The following ATRN variants were observed in gnomAD, a reference collection of about 807,000 sequenced individuals.
The protein encoded by ATRN is attractin-2.
Under a neutral mutation model 178.7 loss-of-function variants are expected in ATRN, and 54 were observed. The observed-to-expected ratio is 0.30, with a 90% CI of 0.24 to 0.38. The LOEUF is 0.38. Among genes scored for constraint, ATRN ranks in the 10% least tolerant of loss-of-function variants. The pLI, the probability that ATRN is intolerant of heterozygous loss-of-function variation, is 1.00. For missense variants in ATRN, 1,443 were observed against 1,815.1 expected (o/e 0.79, Z 3.73); for synonymous variants, 636 against 663.0 (o/e 0.96, Z 0.63).
rs191072127 is a variant in ATRN at position 3,641,198 on chromosome 20, T to G, written c.4050+2263T>G. Among the ~76,000 whole-genome samples the G allele has an allele frequency of 4.5e-3, 689 of 152,292 alleles. 3 individuals carry two copies. Among genetic ancestry groups the G allele is most frequent in the Middle Eastern group, 0.017 (5 of 294 alleles). On this transcript the variant is annotated intron_variant, in intron 27 of 28. Transcript: ENST00000262919. Reference sequence around the variant, plus strand: ...TCTGGAGATGGATAGTAATGATGGTTGCACAACAATGTGAATATACTTAAT... The same window carrying G: ...TCTGGAGATGGATAGTAATGATGGTGGCACAACAATGTGAATATACTTAAT...
At chr20:3,537,029 A>G (rs1313744612) in intron 2 of ATRN, among the ~76,000 whole-genome samples, 2 of 152,200 alleles carry the variant, frequency 1.3e-5, no homozygotes, top group Non-Finnish European at 2.9e-5. Flanking sequence ...ATATTTTGGT[A>G]ACATGATATA....
chr20:3,536,319 C>T (rs532699510), intron 2 of ATRN, among the ~76,000 whole-genome samples: 6 of 152,154 alleles, frequency 3.9e-5, no homozygotes, highest in Non-Finnish European at 7.4e-5. Flanking sequence ...AGCGATTCTC[C>T]TGCCTCAGCC....
chr20:3,471,361 C>T lies in ATRN; in HGVS notation c.254C>T (p.Ala85Val), dbSNP rs1408286495. 2 of 1,479,912 alleles carry T rather than the reference C, an allele frequency of 1.4e-6. No homozygotes were observed. Among genetic ancestry groups the T allele is most frequent in the South Asian group, 1.3e-5 (1 of 77,050 alleles). The allele number at this position is 1,479,912 out of a possible 1,614,324, so 91.7% of individuals were successfully genotyped here. Residue 85 changes from alanine to valine, a missense_variant, in exon 1 of 29, where the codon GCG becomes GTG. Around this residue, in one of 4 missense-constraint regions of ATRN, gnomAD observed 862 missense variants for 972.1 expected, o/e 0.89. Transcript: ENST00000262919. ...CTGCCCTGTGAGGCCGAGGCCGCGG[C>T]GGCGGCGGCGGCGGTGTCGGGCTCA... ...LLLPCEAEAA[A>V]AAAAVSGSAA... is the part of the protein sequence containing the mutation.
intron 1 of ATRN, among the ~76,000 whole-genome samples, chr20:3,514,101 C>T (rs543846711): frequency 7.9e-5 from 12 of 152,290 alleles, no homozygotes; most frequent in African/African-American, 2.4e-4. Context: ...TCTTCTGTGT[C>T]GCTCATGCTG....
intron 24 of ATRN, among the ~76,000 whole-genome samples, chr20:3,624,183 T>G (rs1258207167): frequency 6.6e-6 from 1 of 151,844 alleles, no homozygotes; most frequent in African/African-American, 2.4e-5. Flanking sequence ...AAGGAGAGCT[T>G]TGTGTGTGGG....
chr20:3,621,383 A>G (rs1011822088), intron 24 of ATRN, among the ~76,000 whole-genome samples: 7 of 152,156 alleles, frequency 4.6e-5, no homozygotes, highest in Non-Finnish European at 7.3e-5. Flanking sequence ...GTAATATCTT[A>G]CCCCAAACCC....
chr20:3,582,216 A>G lies in ATRN; in HGVS notation c.2626A>G (p.Thr876Ala), dbSNP rs765551452. ...YWCWEDMSPF[T>A]NSLLQWMPSE... ...GTGCTGGGAAGATATGTCCCCATTTACAAATAGTTTACTACAGTGGATGCC... is the reference window on the plus strand; with the variant it reads ...GTGCTGGGAAGATATGTCCCCATTTGCAAATAGTTTACTACAGTGGATGCC... Residue 876 changes from threonine to alanine, a missense_variant, in exon 16 of 29, where the codon ACA (threonine) becomes GCA (alanine). Thr to Ala is a moderately conservative substitution (Grantham distance 58). This residue lies in a region of ATRN where 212 missense variants were observed against 330.7 expected (regional missense o/e 0.64). Coordinates refer to ENST00000262919, the MANE Select transcript of ATRN (RefSeq NM_139321.3). 7.7e-5 allele frequency: 124 copies of G among 1,614,034 alleles called. 1 individual carries two copies. Among genetic ancestry groups the G allele is most frequent in the Admixed American group, 1.0e-4 (6 of 59,998 alleles).
At position 3,535,588 on chromosome 20, in the gene ATRN, T is replaced by TACACACAC. The variant is rs11468707; in HGVS notation, c.494+284_494+291dup. On this transcript the variant is annotated intron_variant, in intron 2 of 28. Transcript: ENST00000262919. Reference sequence around the variant, plus strand: ...CCAACTGTAATAGTTCAGAAACGGTTACACACACACACACACACACACACA... The same window carrying TACACACAC: ...CCAACTGTAATAGTTCAGAAACGGTTACACACACACACACACACACACACACACACACA... Among the ~76,000 whole-genome samples the TACACACAC allele has an allele frequency of 4.4e-3, 637 of 143,200 alleles. 5 individuals are homozygous for TACACACAC. The highest frequency in any genetic ancestry group is 0.016 in the African/African-American group (603 of 38,402). 93.9% of individuals were successfully genotyped at this position (143,200 alleles called of 152,430 possible).
At chr20:3,472,914 G>A (rs2084452832) in intron 1 of ATRN, among the ~76,000 whole-genome samples, 1 of 152,172 alleles carries the variant, frequency 6.6e-6, no homozygotes, top group African/African-American at 2.4e-5. Context: ...TGTGAGAGAG[G>A]AGTTTGGAAT....
intron 12 of ATRN, 33 bp from the exon 13 acceptor site, chr20:3,575,794 G>T: frequency 1.9e-6 from 3 of 1,572,874 alleles, no homozygotes; most frequent in Middle Eastern, 1.7e-4. Flanking sequence ...AATTGAAGTT[G>T]TCCCAGTTCA....
chr20:3,504,120 C>T (rs2085002522), intron 1 of ATRN, among the ~76,000 whole-genome samples: 1 of 152,118 alleles, frequency 6.6e-6, no homozygotes. Flanking sequence ...AAGGACAAGA[C>T]ATGATATTTT....
intron 12 of ATRN, among the ~76,000 whole-genome samples, chr20:3,574,963 CT>C (rs536199981): frequency 1.4e-5 from 2 of 146,482 alleles, no homozygotes; most frequent in Admixed American, 6.8e-5. Context: ...CAGCTTCTCT[CT>C]TTTTTTTTTT....
At chr20:3,492,168 A>ACTGT (rs1555807806) in intron 1 of ATRN, among the ~76,000 whole-genome samples, 1 of 140,588 alleles carries the variant, frequency 7.1e-6, no homozygotes, top group African/African-American at 2.7e-5. Context: ...TAGATAGGGG[A>ACTGT]GTGTGTGTGT....
At chr20:3,560,067 A>G (rs1299208029) in intron 7 of ATRN, among the ~76,000 whole-genome samples, 1 of 152,042 alleles carries the variant, frequency 6.6e-6, no homozygotes, top group East Asian at 1.9e-4. Context: ...ATACGTATAT[A>G]ATGGTACCAT....
At chr20:3,636,616 T>C (rs2087027092) in intron 26 of ATRN, among the ~76,000 whole-genome samples, 1 of 152,254 alleles carries the variant, frequency 6.6e-6, no homozygotes, top group African/African-American at 2.4e-5. Context: ...TTCCAGGCAC[T>C]GAGTTCTAAG....
intron 22 of ATRN, among the ~76,000 whole-genome samples, chr20:3,598,237 G>A (rs548172525): frequency 7.9e-5 from 12 of 152,288 alleles, no homozygotes; most frequent in South Asian, 2.1e-4. Context: ...TTGATTCCAC[G>A]CATACTTACT....
chr20:3,498,886 T>C (rs2084917209), intron 1 of ATRN, among the ~76,000 whole-genome samples: 1 of 137,946 alleles, frequency 7.2e-6, no homozygotes, highest in East Asian at 2.0e-4. Flanking sequence ...AAAGAGGAAG[T>C]CAAATTGTCC....
At chr20:3,636,567 G>A (rs2087026690) in intron 26 of ATRN, among the ~76,000 whole-genome samples, 1 of 152,222 alleles carries the variant, frequency 6.6e-6, no homozygotes, top group Admixed American at 6.5e-5. Context: ...ATCCAGGCTA[G>A]TTAGTTTTAA....
At chr20:3,522,202 G>C (rs2085305147) in intron 1 of ATRN, among the ~76,000 whole-genome samples, 1 of 152,308 alleles carries the variant, frequency 6.6e-6, no homozygotes, top group South Asian at 2.1e-4. Flanking sequence ...AGGGAAATTA[G>C]AAAAACATTT....
Sources: allele counts gnomAD v4.1 joint callset (sites outside exome capture counted in the v4.1 genomes callset), GRCh38; gene constraint gnomAD v4.1.1; regional missense constraint gnomAD v4.1.1; transcripts MANE v1.5; gene names NCBI Gene and HGNC (gene_info 2026-07-23, HGNC 2026-07-21).